The following CNTNAP1 variants were observed in gnomAD, a reference collection of about 807,000 sequenced individuals.
CNTNAP1 encodes the protein contactin-associated protein 1.
Under a neutral mutation model 161.5 loss-of-function variants are expected in CNTNAP1, and 80 were observed. The observed-to-expected ratio is 0.50, with a 90% CI of 0.41 to 0.60. The LOEUF is 0.60. Among genes scored for constraint, CNTNAP1 ranks in the 20% least tolerant of loss-of-function variants. CNTNAP1 has a pLI of 0.00. For synonymous variants in CNTNAP1, 695 were observed against 733.1 expected, an observed-to-expected ratio of 0.95 and a Z score of 0.84; for missense variants, 1,464 against 1,854.8, an observed-to-expected ratio of 0.79 and a Z score of 3.87.
intron 21 of CNTNAP1, 57 bp downstream of exon 21, chr17:42,697,424 T>C: frequency 1.9e-6 from 3 of 1,604,532 alleles, no homozygotes; most frequent in Non-Finnish European, 2.6e-6. Context: ...TGTTCCTGGA[T>C]CCTCAAGGAA....
Position 42,688,904 on chromosome 17 carries a change from C to G in CNTNAP1, c.1485C>G (p.Asp495Glu), listed in dbSNP as rs755276777. 9.3e-6 allele frequency: 15 copies of G among 1,613,894 alleles called. No homozygotes were observed. The African/African-American group carries it at 1.9e-4, about 20-fold the overall frequency. The change falls in exon 10 of 24, where the codon GAC becomes GAG. Residue 495 changes from aspartate to glutamate, a missense_variant. Transcript: ENST00000264638. ...GTCCCAAGCCAGCCAGTCGATGGGA[C>G]TGCCACTCCAACCAGACGGCATTCC... is the stretch of plus-strand genomic sequence containing the variant. ...GGCPKPASRWDCHSNQTAFHG... is the reference protein window; with the variant it reads ...GGCPKPASRWECHSNQTAFHG...
rs201318013 is a variant in CNTNAP1, at chr17:42,682,931, C to T, written c.67+35C>T. ...GGGCTTGGAGGCAGGTGGGGTTGGG[C>T]CCAGGAGTCCAGAGCCTGCAGGGCG... On this transcript the variant is annotated intron_variant, in intron 1 of 23. Coordinates refer to ENST00000264638, the MANE Select transcript of CNTNAP1 (RefSeq NM_003632.3). 9.7e-5 allele frequency: 152 copies of T among 1,566,974 alleles called. No homozygotes were observed. The East Asian group carries it at 3.5e-3, about 36-fold the overall frequency.
At position 42,699,035 on chromosome 17, in the gene CNTNAP1, T is replaced by TCC. The variant is rs957895889; in HGVS notation, c.*133_*134dup. On this transcript the variant is annotated 3_prime_UTR_variant, in exon 24 of 24. Coordinates refer to ENST00000264638, the MANE Select transcript of CNTNAP1 (RefSeq NM_003632.3). Reference sequence around the variant, plus strand: ...TGCTCATCCAGAGGATATTCCCCCATCCCCCCCCCATCAAGTTTGGTGGGC... The same window carrying TCC: ...TGCTCATCCAGAGGATATTCCCCCATCCCCCCCCCCCATCAAGTTTGGTGGGC... The TCC allele has an allele frequency of 4.9e-6, 3 of 615,552 alleles. No individual in the cohort carries two copies. The highest frequency in any genetic ancestry group is 7.1e-5 in the East Asian group (2 of 28,362). The allele number at this position is 615,552 out of a possible 1,614,324, so 38.1% of individuals were successfully genotyped here.
chr17:42,692,097 C>A, intron 16 of CNTNAP1, 106 bp downstream of exon 16: 2 of 1,210,228 alleles, frequency 1.7e-6, no homozygotes, highest in Non-Finnish European at 2.4e-6. Flanking sequence ...TTTTGACAGG[C>A]AGCATGGGAA....
intron 17 of CNTNAP1, among the ~76,000 whole-genome samples, chr17:42,692,958 C>CTT (rs1246701076): frequency 1.4e-4 from 20 of 140,432 alleles, no homozygotes; most frequent in African/African-American, 2.4e-4. Flanking sequence ...CATTTCTTTT[C>CTT]TTTTTTTTTT....
chr17:42,685,454 A>G lies in CNTNAP1; in HGVS notation c.715+34A>G. The G allele has an allele frequency of 6.3e-7, 1 of 1,576,078 alleles. No homozygotes were observed. Among genetic ancestry groups the G allele is most frequent in the Non-Finnish European group, 8.6e-7 (1 of 1,164,220 alleles). ...GGCGACCATGTGCGATGCGGAGCCA[A>G]CCCCTGAAGCTCTCTCACCGCCCTC... On this transcript the variant is annotated intron_variant, in intron 5 of 23. Transcript: ENST00000264638. This position sits in a 1 kb window ranked among gnomAD's most constrained non-coding sequence, Gnocchi z 5.0.
Position 42,685,226 on chromosome 17 carries a change from T to A in CNTNAP1, c.521T>A (p.Ile174Lys). ...ACGGTCCTTTGCGCAGAGGCCGACA[T>A]ACTCTATTTCGACGGCGACGATGCC... is the stretch of plus-strand genomic sequence containing the variant. ...GLYGCPYKAD[I>K]LYFDGDDAIS... Residue 174 changes from isoleucine to lysine, a missense_variant, in exon 5 of 24, where the codon ATA (isoleucine) becomes AAA (lysine). Physicochemically the swap from Ile to Lys is moderately radical, Grantham distance 102. This residue lies in a region of CNTNAP1 where 1,383 missense variants were observed against 1,765.0 expected (regional missense o/e 0.78). Coordinates refer to ENST00000264638, the MANE Select transcript of CNTNAP1 (RefSeq NM_003632.3). This position sits in a 1 kb window ranked among gnomAD's most constrained non-coding sequence, Gnocchi z 5.0. 1 of 1,613,766 alleles carries A rather than the reference T, an allele frequency of 6.2e-7. No individual in the cohort carries two copies. The highest frequency in any genetic ancestry group is 8.5e-7 in the Non-Finnish European group (1 of 1,180,018).
chr17:42,687,935 C>T lies in CNTNAP1; in HGVS notation c.1260C>T (p.Asn420=). The part of the protein sequence containing the change: ...VELTLSEGQV[N]VSIAQSGRKK... ...TGACGCTCAGCGAAGGGCAGGTCAA[C>T]GTGTCCATCGCGCAGAGCGGCCGAA... Residue 420 remains asparagine (N), a synonymous_variant, in exon 8 of 24, where the codon AAC becomes AAT. Transcript: ENST00000264638. This position sits in a 1 kb window ranked among gnomAD's most constrained non-coding sequence, Gnocchi z 4.7. 2 of 1,614,176 alleles carry T rather than the reference C, an allele frequency of 1.2e-6. No individual in the cohort carries two copies. The highest frequency in any genetic ancestry group is 1.7e-6 in the Non-Finnish European group (2 of 1,180,046).
At position 42,685,226 on chromosome 17, in the gene CNTNAP1, T is replaced by C. The variant is rs1181097352; in HGVS notation, c.521T>C (p.Ile174Thr). ...ACGGTCCTTTGCGCAGAGGCCGACA[T>C]ACTCTATTTCGACGGCGACGATGCC... The part of the protein sequence containing the change: ...GLYGCPYKAD[I>T]LYFDGDDAIS... The change falls in exon 5 of 24, where the codon ATA becomes ACA. Residue 174 changes from isoleucine to threonine, a missense_variant. Coordinates refer to ENST00000264638, the MANE Select transcript of CNTNAP1 (RefSeq NM_003632.3). This position sits in a 1 kb window ranked among gnomAD's most constrained non-coding sequence, Gnocchi z 5.0. 6 of 1,613,766 alleles carry C rather than the reference T, an allele frequency of 3.7e-6. No individual in the cohort carries two copies. The highest frequency in any genetic ancestry group is 2.2e-5 in the South Asian group (2 of 91,088).
chr17:42,698,665 T>C lies in CNTNAP1; in HGVS notation c.3910T>C (p.Phe1304Leu). Residue 1304 changes from phenylalanine (F) to leucine (L), a missense_variant, in exon 24 of 24, where the codon TTC (phenylalanine) becomes CTC (leucine). Phe to Leu is a conservative substitution (Grantham distance 22, BLOSUM62 0). Around this residue, in one of 3 missense-constraint regions of CNTNAP1, gnomAD observed 1,383 missense variants for 1,765.0 expected, o/e 0.78. Transcript: ENST00000264638. Reference sequence around the variant, plus strand: ...GGGGCTGGTGGGAATGTTGGTGCTCTTCTATCTGCAAAATCATCGCTATAA... The same window carrying C: ...GGGGCTGGTGGGAATGTTGGTGCTCCTCTATCTGCAAAATCATCGCTATAA... ...LLGLVGMLVL[F>L]YLQNHRYKGS... The C allele has an allele frequency of 6.2e-7, 1 of 1,609,672 alleles. No homozygotes were observed. The highest frequency in any genetic ancestry group is 8.5e-7 in the Non-Finnish European group (1 of 1,176,700).
chr17:42,697,369 TA>T lies in CNTNAP1; in HGVS notation c.3568+4del, dbSNP rs1440742211. The stretch of plus-strand genomic sequence containing the variant: ...CCTTGTATTTAGGGCGTGTGATGGG[TA>T]AGCTGCGGGTGCGGACGCGTTTTAG... On this transcript the variant is annotated splice_donor_region_variant and intron_variant, in intron 21 of 23. Transcript: ENST00000264638. 1 of 1,613,878 alleles carries T rather than the reference TA, an allele frequency of 6.2e-7. No individual in the cohort carries two copies. The highest frequency in any genetic ancestry group is 8.5e-7 in the Non-Finnish European group (1 of 1,179,916).
At chr17:42,686,216 T>C (rs1274433571) in intron 6 of CNTNAP1, 75 bp downstream of exon 6, 4 of 1,423,888 alleles carry the variant, frequency 2.8e-6, no homozygotes, top group Admixed American at 1.7e-5. Flanking sequence ...TCTCTCCCTT[T>C]CTCTTTTCCT....
At position 42,687,782 on chromosome 17, in the gene CNTNAP1, C is replaced by G. The variant is rs2053036001; in HGVS notation, c.1107C>G (p.His369Gln). 1 of 1,614,256 alleles carries G rather than the reference C, an allele frequency of 6.2e-7. No individual in the cohort carries two copies. The highest frequency in any genetic ancestry group is 1.1e-5 in the South Asian group (1 of 91,090). ...VPHPINFGGP[H>Q]NFVQVPGFPR... ...ACCCTATCAACTTCGGAGGCCCTCACAACTTCGTTCAAGTGCCCGGTTTCC... is the reference window on the plus strand; with the variant it reads ...ACCCTATCAACTTCGGAGGCCCTCAGAACTTCGTTCAAGTGCCCGGTTTCC... The change falls in exon 8 of 24, where the codon CAC becomes CAG. Residue 369 changes from histidine (H) to glutamine (Q), a missense_variant. Coordinates refer to ENST00000264638, the MANE Select transcript of CNTNAP1 (RefSeq NM_003632.3). This position sits in a 1 kb window ranked among gnomAD's most constrained non-coding sequence, Gnocchi z 4.7.
rs754704710 is a variant in CNTNAP1, at chr17:42,685,377, G to A, written c.672G>A (p.Thr224=). Reference sequence around the variant, plus strand: ...AGGGCGCCCAGGGCGACTACGTGACGCTCGAGCTGGAGGGGGCACACCTGC... The same window carrying A: ...AGGGCGCCCAGGGCGACTACGTGACACTCGAGCTGGAGGGGGCACACCTGC... ...HAEGAQGDYV[T]LELEGAHLLL... Residue 224 remains threonine (T), a synonymous_variant, in exon 5 of 24, where the codon ACG becomes ACA. Transcript: ENST00000264638. The surrounding 1 kb of genome is among the most constrained non-coding windows in gnomAD (Gnocchi z 5.0). The A allele has an allele frequency of 6.8e-6, 11 of 1,606,102 alleles. No homozygotes were observed. The highest frequency in any genetic ancestry group is 8.5e-6 in the Non-Finnish European group (10 of 1,179,946).
Position 42,685,548 on chromosome 17 carries a change from T to G in CNTNAP1, c.715+128T>G. The G allele has an allele frequency of 4.7e-6, 4 of 857,608 alleles. No homozygotes were observed. The highest frequency in any genetic ancestry group is 1.8e-6 in the Non-Finnish European group (1 of 564,934). 53.1% of individuals were successfully genotyped at this position (857,608 alleles called of 1,614,324 possible). ...CACTTCTCTAAGGCCTGGACCAAAC[T>G]GCCCCTTTCTTGTAGCATTTGGTGC... is the stretch of plus-strand genomic sequence containing the variant. On this transcript the variant is annotated intron_variant, in intron 5 of 23. Transcript: ENST00000264638. The surrounding 1 kb of genome is among the most constrained non-coding windows in gnomAD (Gnocchi z 5.0).
In CNTNAP1 at chr17:42,691,517, T is replaced by C; in HGVS notation, c.2344+6T>C. The C allele has an allele frequency of 6.2e-7, 1 of 1,613,840 alleles. No homozygotes were observed. On this transcript the variant is annotated splice_donor_region_variant and intron_variant, in intron 15 of 23. Coordinates refer to ENST00000264638, the MANE Select transcript of CNTNAP1 (RefSeq NM_003632.3). The surrounding 1 kb of genome is among the most constrained non-coding windows in gnomAD (Gnocchi z 4.3). ...TCTGCGCTGCTATGGCGATCGTGAG[T>C]GGCAGTCCCCTTTTGTGTGCCCTCC...
At chr17:42,683,993 C>T (rs774266611) in intron 2 of CNTNAP1, 43 bp from the exon 3 acceptor site, 13 of 1,612,936 alleles carry the variant, frequency 8.1e-6, no homozygotes, top group Middle Eastern at 1.6e-4. Context: ...CGGAGGACTT[C>T]GGGGAGAGGG....
chr17:42,696,785 C>A (rs1393963153), intron 20 of CNTNAP1, among the ~76,000 whole-genome samples: 2 of 151,940 alleles, frequency 1.3e-5, no homozygotes, highest in Non-Finnish European at 2.9e-5. Context: ...CAGGCCTAGG[C>A]GACAGAGTGA....
At chr17:42,696,278 T>G in intron 20 of CNTNAP1, 126 bp downstream of exon 20, 1 of 1,207,092 alleles carries the variant, frequency 8.3e-7, no homozygotes, top group East Asian at 2.5e-5. Flanking sequence ...TTTTCACGTG[T>G]GTCACCTCAT....
Sources: gnomAD v4.1 joint callset for allele counts (sites outside exome capture counted in the v4.1 genomes callset) on GRCh38, gnomAD v4.1.1 for gene constraint, gnomAD v4.1.1 regional missense constraint, Gnocchi (gnomAD v3.1) non-coding constraint, MANE v1.5 for transcripts, NCBI Gene and HGNC (gene_info 2026-07-23, HGNC 2026-07-21) for gene names.